Variants in FMN2 observed in about 807,000 individuals in gnomAD.
The protein encoded by FMN2 is formin-2.
Under a neutral mutation model 142.3 loss-of-function variants are expected in FMN2, and 51 were observed. The observed-to-expected ratio is 0.36, with a 90% CI of 0.29 to 0.45. The LOEUF (loss-of-function observed/expected upper bound fraction) is 0.45, where lower values mean the gene tolerates loss of function less well. Among genes scored for constraint, FMN2 ranks in the 20% least tolerant of loss-of-function variants. The pLI is 1.00. For synonymous variants in FMN2, 882 were observed against 869.8 expected, an observed-to-expected ratio of 1.01 and a Z score of -0.25; for missense variants, 1,936 against 2,122.8, an observed-to-expected ratio of 0.91 and a Z score of 1.73.
At chr1:240,399,670 A>G (rs961490333) in intron 15 of FMN2, among the ~76,000 whole-genome samples, 3 of 152,156 alleles carry the variant, frequency 2.0e-5, no homozygotes, top group Non-Finnish European at 4.4e-5. Context: ...CAGACTAACA[A>G]TGCAGATAAG....
rs566442223 is a variant in FMN2, at chr1:240,385,234, G to A, written c.4859-7277G>A. 2.0e-5 allele frequency among the ~76,000 whole-genome samples: 3 copies of A among 152,202 alleles called. No individual in the cohort carries two copies. The South Asian group carries it at 6.2e-4, about 32-fold the overall frequency. On this transcript the variant is annotated intron_variant, in intron 14 of 17. Coordinates refer to ENST00000319653, the MANE Select transcript of FMN2 (RefSeq NM_020066.5). Reference sequence around the variant, plus strand: ...TGAATCCCTAAATTGAAATTAATTGGTATTGCTTTCAATATGGAAAGCTCA... The same window carrying A: ...TGAATCCCTAAATTGAAATTAATTGATATTGCTTTCAATATGGAAAGCTCA...
chr1:240,144,104 G>T, intron 2 of FMN2: 1 of 1,134,390 alleles, frequency 8.8e-7, no homozygotes, highest in Non-Finnish European at 1.3e-6. Context: ...TCTGAATGAG[G>T]CCACCATCCA....
chr1:240,163,758 T>C (rs1469728559), intron 2 of FMN2, among the ~76,000 whole-genome samples: 1 of 152,098 alleles, frequency 6.6e-6, no homozygotes, highest in Non-Finnish European at 1.5e-5. Flanking sequence ...TCTTATCTGT[T>C]CTATAGTCCT....
At chr1:240,281,698 A>C (rs1250952296) in intron 7 of FMN2, among the ~76,000 whole-genome samples, 1 of 152,136 alleles carries the variant, frequency 6.6e-6, no homozygotes, top group East Asian at 1.9e-4. Context: ...CGTACCATTT[A>C]ATTAGCAAAA....
At chr1:240,389,330 A>T (rs1673527840) in intron 14 of FMN2, among the ~76,000 whole-genome samples, 1 of 152,218 alleles carries the variant, frequency 6.6e-6, no homozygotes, top group African/African-American at 2.4e-5. Flanking sequence ...TATATAAATA[A>T]CAATAAGTTG....
chr1:240,144,539 TCTTCTACCAGCTC>T, intron 2 of FMN2: 1 of 1,452,300 alleles, frequency 6.9e-7, no homozygotes, highest in Non-Finnish European at 9.7e-7. Context: ...TGTGAAGATG[TCTTCTACCAGCTC>T]CATGTCATTG....
At chr1:240,116,459 A>G (rs1662026855) in intron 1 of FMN2, among the ~76,000 whole-genome samples, 1 of 152,204 alleles carries the variant, frequency 6.6e-6, no homozygotes, top group Non-Finnish European at 1.5e-5. Flanking sequence ...AAGCCATTAA[A>G]AGGGACTTGG....
chr1:240,213,998 C>T (rs1279449028), intron 6 of FMN2, among the ~76,000 whole-genome samples: 1 of 152,172 alleles, frequency 6.6e-6, no homozygotes, highest in African/African-American at 2.4e-5. Context: ...ATTTCCAAAT[C>T]CTTTTTTCTC....
chr1:240,275,748 A>G (rs1176821923), intron 7 of FMN2, among the ~76,000 whole-genome samples: 2 of 152,104 alleles, frequency 1.3e-5, no homozygotes, highest in Admixed American at 6.5e-5. Context: ...CCTCTCCAGC[A>G]TCTGTTGTTT....
chr1:240,363,982 A>G (rs1029055581), intron 14 of FMN2, among the ~76,000 whole-genome samples: 2 of 152,040 alleles, frequency 1.3e-5, no homozygotes, highest in African/African-American at 4.8e-5. Context: ...TTTCTGGTGC[A>G]CTAGTGGGAA....
chr1:240,233,168 C>T (rs1483935600), intron 6 of FMN2, among the ~76,000 whole-genome samples: 4 of 152,076 alleles, frequency 2.6e-5, no homozygotes, highest in Non-Finnish European at 5.9e-5. Context: ...ATCACCTGAG[C>T]TCAGGAGTTC....
At chr1:240,425,470 T>C (rs1266547958) in intron 15 of FMN2, among the ~76,000 whole-genome samples, 2 of 152,106 alleles carry the variant, frequency 1.3e-5, no homozygotes, top group Non-Finnish European at 2.9e-5. Flanking sequence ...CCCACCCCAG[T>C]TGCTTTTGTG....
chr1:240,306,572 A>C (rs916772274), intron 8 of FMN2, among the ~76,000 whole-genome samples: 1 of 152,186 alleles, frequency 6.6e-6, no homozygotes, highest in Non-Finnish European at 1.5e-5. Context: ...TCTGCAAAGA[A>C]CATGACTTCA....
chr1:240,218,353 T>G (rs1666984428), intron 6 of FMN2, among the ~76,000 whole-genome samples: 1 of 150,088 alleles, frequency 6.7e-6, no homozygotes, highest in African/African-American at 2.5e-5. Flanking sequence ...TAATTTTTAA[T>G]GGCTAGAATG....
At chr1:240,411,585 A>C (rs1221669446) in intron 15 of FMN2, among the ~76,000 whole-genome samples, 1 of 150,848 alleles carries the variant, frequency 6.6e-6, no homozygotes, top group Non-Finnish European at 1.5e-5. Flanking sequence ...AAAAAAAAAA[A>C]GTCTAACTAC....
Position 240,219,535 on chromosome 1 carries a change from AAT to A in FMN2, c.4065+8302_4065+8303del, listed in dbSNP as rs567872928. Among the ~76,000 whole-genome samples, 410 of 152,376 alleles carry A rather than the reference AAT, an allele frequency of 2.7e-3. 3 individuals carry two copies. In the South Asian group the frequency reaches 0.027, roughly 10 times the overall value. On this transcript the variant is annotated intron_variant, in intron 6 of 17. Coordinates refer to ENST00000319653, the MANE Select transcript of FMN2 (RefSeq NM_020066.5). ...GCATAAGTTTAAGATTTAGAAAAAAAATAATAAAGTTCTTATTTGTGTCTTTA... is the reference window on the plus strand; with the variant it reads ...GCATAAGTTTAAGATTTAGAAAAAAAAATAAAGTTCTTATTTGTGTCTTTA...
intron 16 of FMN2, among the ~76,000 whole-genome samples, chr1:240,451,797 C>T (rs1676056091): frequency 6.6e-6 from 1 of 152,070 alleles, no homozygotes; most frequent in African/African-American, 2.4e-5. Flanking sequence ...TTTAAATAAA[C>T]AGATAGTATC....
At chr1:240,263,961 A>G (rs2102907231) in intron 7 of FMN2, among the ~76,000 whole-genome samples, 1 of 152,336 alleles carries the variant, frequency 6.6e-6, no homozygotes, top group African/African-American at 2.4e-5. Flanking sequence ...TGAAAATCAT[A>G]TATCTTAAAA....
intron 2 of FMN2, chr1:240,143,756 G>A (rs760184429): frequency 3.5e-5 from 53 of 1,517,886 alleles, no homozygotes; most frequent in Middle Eastern, 1.7e-4. Flanking sequence ...CTCCCTGATG[G>A]TCTGAAGGAT....
Sources: gnomAD v4.1 joint callset for allele counts (sites outside exome capture counted in the v4.1 genomes callset) on GRCh38, gnomAD v4.1.1 for gene constraint, MANE v1.5 for transcripts, NCBI Gene and HGNC (gene_info 2026-07-23, HGNC 2026-07-21) for gene names.